FARS2: variants seen among roughly 807,000 people sequenced by gnomAD.
FARS2 encodes the protein phenylalanine--tRNA ligase, mitochondrial.
FARS2 carries 40 observed loss-of-function variants against 46.4 expected under a neutral mutation model. That is an observed-to-expected ratio of 0.86 (90% confidence interval 0.67 to 1.12). The LOEUF (loss-of-function observed/expected upper bound fraction) is 1.12. Ranked by LOEUF, FARS2 falls within the 50% of genes most tolerant of loss-of-function variation. FARS2 has a pLI of 0.00. For missense variants in FARS2, 513 were observed against 567.9 expected (o/e 0.90, Z 0.98); for synonymous variants, 234 against 214.9 (o/e 1.09, Z -0.78).
intron 2 of FARS2, among the ~76,000 whole-genome samples, chr6:5,397,654 G>T (rs1374356741): frequency 1.3e-5 from 2 of 152,170 alleles, no homozygotes; most frequent in Admixed American, 6.5e-5. Context: ...AATTGAGAAA[G>T]AACTAAATAG....
At chr6:5,663,823 A>G (rs758596987) in intron 6 of FARS2, among the ~76,000 whole-genome samples, 6 of 152,356 alleles carry the variant, frequency 3.9e-5, no homozygotes, top group South Asian at 2.1e-4. Context: ...CATGGAGGTG[A>G]GCAGGACCAG....
intron 1 of FARS2, among the ~76,000 whole-genome samples, chr6:5,262,237 C>G (rs1366968902): frequency 6.6e-6 from 1 of 152,176 alleles, no homozygotes; most frequent in Non-Finnish European, 1.5e-5. Context: ...GATATACCTG[C>G]TGTATGTCTA....
At chr6:5,460,055 G>A (rs1330803532) in intron 4 of FARS2, among the ~76,000 whole-genome samples, 2 of 152,176 alleles carry the variant, frequency 1.3e-5, no homozygotes, top group East Asian at 3.9e-4. Flanking sequence ...GGATAGATCG[G>A]TGCTCTGCAT....
intron 1 of FARS2, among the ~76,000 whole-genome samples, chr6:5,313,587 A>G (rs894220274): frequency 1.3e-5 from 2 of 152,126 alleles, no homozygotes; most frequent in African/African-American, 4.8e-5. Flanking sequence ...CTCTACTGTA[A>G]ATTGAGTTGA....
chr6:5,313,344 G>T (rs995802941), intron 1 of FARS2, among the ~76,000 whole-genome samples: 9 of 152,128 alleles, frequency 5.9e-5, no homozygotes, highest in Non-Finnish European at 1.2e-4. Flanking sequence ...CTGATTTACT[G>T]CTGGCTTTAT....
upstream of FARS2, among the ~76,000 whole-genome samples, chr6:5,258,189 A>T (rs1420549465): frequency 2.0e-5 from 3 of 152,240 alleles, no homozygotes. Flanking sequence ...CTGGAGGAGC[A>T]GACAGGGCTC....
In FARS2 at chr6:5,771,497, G is replaced by A. The variant is rs1442827331; in HGVS notation, c.*68G>A. 1 of 1,526,000 alleles carries A rather than the reference G, an allele frequency of 6.6e-7. No individual in the cohort carries two copies. Among genetic ancestry groups the A allele is most frequent in the African/African-American group, 1.4e-5 (1 of 71,634 alleles). The allele number at this position is 1,526,000 out of a possible 1,614,324, so 94.5% of individuals were successfully genotyped here. On this transcript the variant is annotated 3_prime_UTR_variant, in exon 7 of 7. Coordinates refer to ENST00000274680, the MANE Select transcript of FARS2 (RefSeq NM_006567.5). ...GATTTGCTGAAAGAGAAAAAGATAT[G>A]GTTTGTGAACTGGGGCATCAATCAT...
chr6:5,474,782 C>T (rs1766025741), intron 4 of FARS2, among the ~76,000 whole-genome samples: 1 of 151,232 alleles, frequency 6.6e-6, no homozygotes, highest in African/African-American at 2.4e-5. Context: ...ACCTCAGCCT[C>T]CTGGGTAGCT....
At chr6:5,358,195 A>G (rs1758058380) in intron 1 of FARS2, among the ~76,000 whole-genome samples, 1 of 152,182 alleles carries the variant, frequency 6.6e-6, no homozygotes, top group Non-Finnish European at 1.5e-5. Context: ...GATTTAAAAA[A>G]ATTTTTAATT....
intron 6 of FARS2, among the ~76,000 whole-genome samples, chr6:5,698,053 G>T (rs1216136437): frequency 6.6e-6 from 1 of 152,176 alleles, no homozygotes; most frequent in Non-Finnish European, 1.5e-5. Flanking sequence ...TGATATGGGA[G>T]GACAAGGGAA....
At chr6:5,432,351 T>TATTATA (rs1491454941) in intron 4 of FARS2, among the ~76,000 whole-genome samples, 12 of 42,310 alleles carry the variant, frequency 2.8e-4, no homozygotes, top group Non-Finnish European at 5.4e-4. Context: ...TATATATATA[T>TATTATA]TATATATATA....
chr6:5,534,767 A>G (rs1354474462), intron 4 of FARS2, among the ~76,000 whole-genome samples: 1 of 152,172 alleles, frequency 6.6e-6, no homozygotes, highest in Non-Finnish European at 1.5e-5. Flanking sequence ...TTTTAGAGAT[A>G]CACACACAGA....
At chr6:5,430,922 G>C (rs568491325) in intron 3 of FARS2, 119 bp from the exon 4 acceptor site, 1 of 991,756 alleles carries the variant, frequency 1.0e-6, no homozygotes, top group East Asian at 2.5e-5. Context: ...TAGTTTATTT[G>C]CTATTTATTT....
rs1554184678 is a variant in FARS2 at position 5,432,530 on chromosome 6, T to TA, written c.904+1358_904+1359insA. Among the ~76,000 whole-genome samples the TA allele has an allele frequency of 3.1e-5, 4 of 130,182 alleles. No homozygotes were observed. The South Asian group carries it at 9.0e-4, about 29-fold the overall frequency. 85.4% of individuals were successfully genotyped at this position (130,182 alleles called of 152,430 possible). A position where few individuals can be genotyped will look rare whatever the true frequency, so the allele number is the denominator to read the frequency against. On this transcript the variant is annotated intron_variant, in intron 4 of 6. Transcript: ENST00000274680. ...TATATCCCAATCATATATATATATT[T>TA]TTTTTTTTCAGAGTATAAATCCTCC...
intron 4 of FARS2, among the ~76,000 whole-genome samples, chr6:5,474,325 G>A (rs1036222442): frequency 7.9e-5 from 12 of 152,186 alleles, no homozygotes; most frequent in African/African-American, 2.7e-4. Context: ...TGGAGATGAA[G>A]GTGGGACACA....
At chr6:5,666,987 A>G (rs1048552292) in intron 6 of FARS2, among the ~76,000 whole-genome samples, 3 of 152,190 alleles carry the variant, frequency 2.0e-5, no homozygotes, top group Non-Finnish European at 4.4e-5. Flanking sequence ...CGAATATTGA[A>G]TGTTCTCACG....
At chr6:5,655,060 G>A (rs56216918) in intron 6 of FARS2, among the ~76,000 whole-genome samples, 2,069 of 152,274 alleles carry the variant, frequency 0.014, 21 homozygotes, top group Middle Eastern at 0.027. Flanking sequence ...AAAGCTCTTG[G>A]TCAAAAGTAG....
At chr6:5,353,112 G>C (rs1156972136) in intron 1 of FARS2, among the ~76,000 whole-genome samples, 1 of 152,172 alleles carries the variant, frequency 6.6e-6, no homozygotes, top group Non-Finnish European at 1.5e-5. Flanking sequence ...CTTTGCTTCT[G>C]TGAGATCACC....
intron 1 of FARS2, among the ~76,000 whole-genome samples, chr6:5,283,387 A>C (rs1465103225): frequency 2.7e-5 from 4 of 150,858 alleles, no homozygotes; most frequent in Non-Finnish European, 5.9e-5. Flanking sequence ...AAAAAAAAAA[A>C]AAAAAAAACA....
Sources: gnomAD v4.1 joint callset for allele counts (sites outside exome capture counted in the v4.1 genomes callset) on GRCh38, gnomAD v4.1.1 for gene constraint, MANE v1.5 for transcripts, NCBI Gene and HGNC (gene_info 2026-07-23, HGNC 2026-07-21) for gene names.